The following ZNF626 variants were observed in gnomAD, a reference collection of about 807,000 sequenced individuals.
ZNF626 encodes zinc finger protein 626, also known as CTC-513N18.7.
A neutral mutation model predicts 11.7 loss-of-function variants in ZNF626; 4 were observed. The ratio of observed to expected loss-of-function variants is 0.34; its 90% CI spans 0.17 to 0.78. ZNF626 has a LOEUF of 0.78. Ranked by LOEUF, ZNF626 falls within the 30% of genes least tolerant of loss-of-function variation. The pLI is 0.57. For synonymous variants in ZNF626, 179 were observed against 198.6 expected (o/e 0.90, Z 0.83); for missense variants, 588 against 587.1 (o/e 1.00, Z -0.01).
intron 3 of ZNF626, among the ~76,000 whole-genome samples, chr19:20,631,462 G>A (rs1207744685): frequency 6.6e-6 from 1 of 151,998 alleles, no homozygotes; most frequent in Non-Finnish European, 1.5e-5. Context: ...TTATGAATCT[G>A]GGTGCTCCTG....
rs369650916 is a variant in ZNF626, at chr19:20,626,944, G to C, written c.227-1294C>G. Among the ~76,000 whole-genome samples the C allele has an allele frequency of 3.3e-5, 5 of 152,140 alleles. No homozygotes were observed. The East Asian group carries it at 7.7e-4, about 23-fold the overall frequency. ...GCCGGAGAATTGCTTGAACTCGGGA[G>C]GCAGAGGTAGCTATGAGCTGAGATG... On this transcript the variant is annotated intron_variant, in intron 3 of 3. Coordinates refer to ENST00000601440, the MANE Select transcript of ZNF626 (RefSeq NM_001076675.3).
intron 1 of ZNF626, among the ~76,000 whole-genome samples, chr19:20,658,871 A>T (rs1363879841): frequency 1.3e-5 from 2 of 152,178 alleles, no homozygotes; most frequent in East Asian, 1.9e-4. Context: ...TTGAAAACTG[A>T]GGACTCCCAA....
rs1568453561 is a variant in ZNF626 at position 20,624,771 on chromosome 19, T to C, written c.1106A>G (p.Tyr369Cys). ...HKRIHTGEKP[Y>C]KCEECGKAFK... ...GGCTTTGCCACATTCTTCACATTTG[T>C]AGGGTTTCTCTCCAGTATGAATTCT... Residue 369 changes from tyrosine to cysteine, a missense_variant, in exon 4 of 4, where the codon TAC (tyrosine) becomes TGC (cysteine). Tyr to Cys is a radical substitution (Grantham distance 194). Coordinates refer to ENST00000601440, the MANE Select transcript of ZNF626 (RefSeq NM_001076675.3). 3.7e-6 allele frequency: 6 copies of C among 1,613,438 alleles called. No individual in the cohort carries two copies. Among genetic ancestry groups the C allele is most frequent in the Middle Eastern group, 1.6e-4 (1 of 6,082 alleles).
At chr19:20,660,335 T>TA (rs1970251599) in intron 1 of ZNF626, among the ~76,000 whole-genome samples, 1 of 103,758 alleles carries the variant, frequency 9.6e-6, no homozygotes, top group Non-Finnish European at 1.7e-5. Context: ...AATGTCCACA[T>TA]CAGTTATTCA....
At chr19:20,640,882 C>T (rs1970017194) in intron 3 of ZNF626, among the ~76,000 whole-genome samples, 1 of 152,054 alleles carries the variant, frequency 6.6e-6, no homozygotes, top group Admixed American at 6.6e-5. Flanking sequence ...CACAGTGGCT[C>T]AAGCCCGTAA....
chr19:20,648,678 G>T (rs972998969), intron 1 of ZNF626, among the ~76,000 whole-genome samples: 6 of 152,080 alleles, frequency 3.9e-5, no homozygotes, highest in African/African-American at 1.4e-4. Context: ...GCCTAAATCA[G>T]CATTTTCTTA....
At chr19:20,658,592 T>C (rs1344591883) in intron 1 of ZNF626, among the ~76,000 whole-genome samples, 5 of 152,170 alleles carry the variant, frequency 3.3e-5, no homozygotes, top group African/African-American at 1.2e-4. Flanking sequence ...TGACAGCCTG[T>C]GTACAGGAGA....
intron 3 of ZNF626, among the ~76,000 whole-genome samples, chr19:20,633,692 C>A (rs1214761939): frequency 1.3e-5 from 2 of 152,188 alleles, no homozygotes; most frequent in Non-Finnish European, 2.9e-5. Context: ...CATCTGTCAC[C>A]CTTTTCTTTG....
chr19:20,658,097 T>G (rs1477991211), intron 1 of ZNF626, among the ~76,000 whole-genome samples: 1 of 146,630 alleles, frequency 6.8e-6, no homozygotes, highest in Non-Finnish European at 1.5e-5. Flanking sequence ...CAACCAAAAA[T>G]CAAAGCTAAA....
chr19:20,645,239 G>C (rs1970062351), intron 3 of ZNF626: 1 of 1,394,754 alleles, frequency 7.2e-7, no homozygotes, highest in Non-Finnish European at 9.3e-7. Flanking sequence ...GGACTGTGCA[G>C]AAAAATGAAC....
intron 3 of ZNF626, among the ~76,000 whole-genome samples, chr19:20,634,646 AAAAC>A (rs1255427873): frequency 6.7e-6 from 1 of 149,304 alleles, no homozygotes; most frequent in Non-Finnish European, 1.5e-5. Flanking sequence ...CTCCATCTCA[AAAAC>A]AAACAATCGA....
chr19:20,628,479 G>C (rs1280864868), intron 3 of ZNF626, among the ~76,000 whole-genome samples: 3 of 152,148 alleles, frequency 2.0e-5, no homozygotes, highest in Admixed American at 6.5e-5. Context: ...ATTCTAACTG[G>C]TGTGAGATGG....
chr19:20,655,826 T>C (rs1555773058), intron 1 of ZNF626, among the ~76,000 whole-genome samples: 2 of 151,888 alleles, frequency 1.3e-5, no homozygotes, highest in Admixed American at 6.6e-5. Flanking sequence ...TCCCAGCTAC[T>C]TGGGAGGCTG....
Position 20,623,160 on chromosome 19 carries a change from T to C in ZNF626, c.*1130A>G, listed in dbSNP as rs183245767. ...TGCTTTCATTAACTATGAACCTTCT[T>C]ATGTTGAGTAAGATGTGAGTAGGCA... On this transcript the variant is annotated 3_prime_UTR_variant, in exon 4 of 4. Transcript: ENST00000601440. 1.3e-5 allele frequency: 2 copies of C among 152,374 alleles called. No individual in the cohort carries two copies. The highest frequency in any genetic ancestry group is 1.9e-4 in the East Asian group (1 of 5,190). 9.4% of individuals were successfully genotyped at this position (152,374 alleles called of 1,614,324 possible).
Position 20,624,214 on chromosome 19 carries a change from T to C in ZNF626, c.*76A>G. On this transcript the variant is annotated 3_prime_UTR_variant, in exon 4 of 4. Coordinates refer to ENST00000601440, the MANE Select transcript of ZNF626 (RefSeq NM_001076675.3). Reference sequence around the variant, plus strand: ...TTTTTTTCCAGTATGAATTTTCTTATGTGTAGTAAGGTTAGAGAAATGCTT... The same window carrying C: ...TTTTTTTCCAGTATGAATTTTCTTACGTGTAGTAAGGTTAGAGAAATGCTT... 2 of 1,609,078 alleles carry C rather than the reference T, an allele frequency of 1.2e-6. No homozygotes were observed. The highest frequency in any genetic ancestry group is 2.2e-5 in the East Asian group (1 of 44,774).
intron 3 of ZNF626, among the ~76,000 whole-genome samples, chr19:20,632,900 T>C (rs1022579464): frequency 6.6e-6 from 1 of 152,148 alleles, no homozygotes. Context: ...TCTGTTTTTT[T>C]CCCATCTTTG....
intron 3 of ZNF626, among the ~76,000 whole-genome samples, chr19:20,636,595 G>A (rs1262861073): frequency 5.3e-5 from 8 of 150,810 alleles, no homozygotes; most frequent in Admixed American, 4.6e-4. Flanking sequence ...AAATTTTGAT[G>A]TAACAACAAC....
chr19:20,634,976 C>A (rs1969951062), intron 3 of ZNF626, among the ~76,000 whole-genome samples: 1 of 152,182 alleles, frequency 6.6e-6, no homozygotes, highest in African/African-American at 2.4e-5. Flanking sequence ...AGCATTGTTA[C>A]TGAAAGCCAA....
chr19:20,658,891 G>C (rs1249533617), intron 1 of ZNF626, among the ~76,000 whole-genome samples: 1 of 152,084 alleles, frequency 6.6e-6, no homozygotes, highest in Non-Finnish European at 1.5e-5. Context: ...AAACCTCCCT[G>C]AAGTTCAATA....
Sources: gnomAD v4.1 joint callset for allele counts (sites outside exome capture counted in the v4.1 genomes callset) on GRCh38, gnomAD v4.1.1 for gene constraint, MANE v1.5 for transcripts, NCBI Gene and HGNC (gene_info 2026-07-23, HGNC 2026-07-21) for gene names.